The following ABCA12 variants were observed in gnomAD, a reference collection of about 807,000 sequenced individuals.
ABCA12 encodes ATP binding cassette subfamily A member 12, also known as glucosylceramide transporter ABCA12.
Under a neutral mutation model 293.5 loss-of-function variants are expected in ABCA12, and 156 were observed. The ratio of observed to expected loss-of-function variants is 0.53; its 90% CI spans 0.47 to 0.61. ABCA12 has a LOEUF of 0.61. Ranked by LOEUF, ABCA12 falls within the 20% of genes least tolerant of loss-of-function variation. The pLI, the probability that ABCA12 is intolerant of heterozygous loss-of-function variation, is 0.00. For missense variants in ABCA12, 2,797 were observed against 3,090.2 expected, an observed-to-expected ratio of 0.91 and a Z score of 2.25; for synonymous variants, 1,063 against 1,108.0, an observed-to-expected ratio of 0.96 and a Z score of 0.81.
At chr2:215,055,925 T>C (rs1575014671) in intron 3 of ABCA12, among the ~76,000 whole-genome samples, 1 of 152,222 alleles carries the variant, frequency 6.6e-6, no homozygotes, top group East Asian at 1.9e-4. Context: ...ATTTTCCCTT[T>C]TCTCAAAAAG....
chr2:215,056,168 T>C (rs1050328282), intron 3 of ABCA12, among the ~76,000 whole-genome samples: 15 of 151,906 alleles, frequency 9.9e-5, no homozygotes, highest in African/African-American at 3.4e-4. Context: ...CAATAATGAA[T>C]GGTGGTGAGG....
chr2:215,018,028 T>C lies in ABCA12; in HGVS notation c.1762A>G (p.Ile588Val). ...CCCACCTCAGCTCTATTATCAGGGATGGGAATGGCCAGCAACTTGTCAATA... is the reference window on the plus strand; with the variant it reads ...CCCACCTCAGCTCTATTATCAGGGACGGGAATGGCCAGCAACTTGTCAATA... ...RTIDKLLAIP[I>V]PDNRAEIISQ... The change falls in exon 14 of 53, where the codon ATC becomes GTC. Residue 588 changes from isoleucine (I) to valine (V), a missense_variant. Transcript: ENST00000272895. The C allele has an allele frequency of 6.2e-7, 1 of 1,614,182 alleles. No individual in the cohort carries two copies. Among genetic ancestry groups the C allele is most frequent in the South Asian group, 1.1e-5 (1 of 91,090 alleles).
rs886092448 is a variant in ABCA12, at chr2:215,049,071, G to A, written c.693+555C>T. Among the ~76,000 whole-genome samples, 11 of 152,148 alleles carry A rather than the reference G, an allele frequency of 7.2e-5. No individual in the cohort carries two copies. The South Asian group carries it at 1.2e-3, about 17-fold the overall frequency. On this transcript the variant is annotated intron_variant, in intron 6 of 52. Transcript: ENST00000272895. ...TACTGAGTACTAGGCTTAGTACCTCGGTGACAGAATAATCTAGACAACAAA... is the reference window on the plus strand; with the variant it reads ...TACTGAGTACTAGGCTTAGTACCTCAGTGACAGAATAATCTAGACAACAAA...
intron 23 of ABCA12, among the ~76,000 whole-genome samples, chr2:214,993,985 T>C (rs1490198990): frequency 6.6e-6 from 1 of 152,202 alleles, no homozygotes; most frequent in Admixed American, 6.5e-5. Context: ...CTCATCATTT[T>C]GCTTTTTCCT....
chr2:215,081,556 A>T (rs1701942326), intron 2 of ABCA12, among the ~76,000 whole-genome samples: 1 of 151,884 alleles, frequency 6.6e-6, no homozygotes, highest in African/African-American at 2.4e-5. Context: ...CAAACAAAAA[A>T]ATGGGGGAAG....
At chr2:215,031,925 C>T in intron 8 of ABCA12, 29 bp from the exon 9 acceptor site, 1 of 1,612,680 alleles carries the variant, frequency 6.2e-7, no homozygotes, top group Non-Finnish European at 8.5e-7. Flanking sequence ...TATAGGTAAA[C>T]ATTTAACATG....
chr2:215,130,200 A>G (rs1703023391), intron 1 of ABCA12, among the ~76,000 whole-genome samples: 1 of 150,812 alleles, frequency 6.6e-6, no homozygotes, highest in East Asian at 1.9e-4. Context: ...TACTTTGGCT[A>G]TTCGGGCTTT....
At chr2:215,069,680 T>C (rs1701700361) in intron 2 of ABCA12, among the ~76,000 whole-genome samples, 1 of 152,166 alleles carries the variant, frequency 6.6e-6, no homozygotes, top group African/African-American at 2.4e-5. Context: ...AGGTGTCCTG[T>C]CCACCACCCA....
intron 2 of ABCA12, among the ~76,000 whole-genome samples, chr2:215,071,171 T>A (rs1701729716): frequency 6.7e-6 from 1 of 150,086 alleles, no homozygotes; most frequent in African/African-American, 2.5e-5. Flanking sequence ...CACTCCAGCC[T>A]GGGCAACAGA....
intron 2 of ABCA12, chr2:215,085,476 T>C (rs965996743): frequency 2.0e-5 from 3 of 152,194 alleles, no homozygotes; most frequent in African/African-American, 7.2e-5. Flanking sequence ...AGTAATATTT[T>C]TGAGATTAAA....
rs529725056 is a variant in ABCA12 at position 215,066,787 on chromosome 2, A to C, written c.164-2568T>G. The stretch of plus-strand genomic sequence containing the variant: ...CAGCTAACAGAGTGCCATGCAGAGC[A>C]TGGATGGCTTGCGTTATTTGTTTTG... On this transcript the variant is annotated intron_variant, in intron 2 of 52. Coordinates refer to ENST00000272895, the MANE Select transcript of ABCA12 (RefSeq NM_173076.3). Among the ~76,000 whole-genome samples, 25 of 152,282 alleles carry C rather than the reference A, an allele frequency of 1.6e-4. No homozygotes were observed. The East Asian group carries it at 4.8e-3, about 29-fold the overall frequency.
intron 18 of ABCA12, among the ~76,000 whole-genome samples, 186 bp downstream of exon 18, chr2:215,010,145 A>G (rs1700339621): frequency 6.6e-6 from 1 of 152,068 alleles, no homozygotes; most frequent in South Asian, 2.1e-4. Context: ...CTCCCACCCA[A>G]TCTATACTGC....
At chr2:214,977,870 CTTTTTTTTCCT>C (rs1315731786) in intron 33 of ABCA12, among the ~76,000 whole-genome samples, 2 of 121,280 alleles carry the variant, frequency 1.6e-5, no homozygotes, top group African/African-American at 5.7e-5. Flanking sequence ...GCGGCAGCTC[CTTTTTTTTCCT>C]TTTTTTTTTT....
intron 2 of ABCA12, among the ~76,000 whole-genome samples, chr2:215,099,522 G>T (rs376411133): frequency 3.3e-5 from 5 of 151,984 alleles, no homozygotes; most frequent in African/African-American, 1.2e-4. Context: ...GTGAAACCCC[G>T]TCTCTACTAA....
chr2:214,996,667 A>T (rs368781900), intron 23 of ABCA12, among the ~76,000 whole-genome samples: 6 of 152,014 alleles, frequency 3.9e-5, no homozygotes, highest in African/African-American at 1.4e-4. Flanking sequence ...TGTGTGGATC[A>T]ACCAAAATTC....
At chr2:215,019,854 G>C (rs1488759553) in intron 11 of ABCA12, 58 bp from the exon 12 acceptor site, 1 of 1,584,398 alleles carries the variant, frequency 6.3e-7, no homozygotes, top group Non-Finnish European at 8.6e-7. Flanking sequence ...TACATATATA[G>C]TAGTTGATAA....
rs117682084 is a variant in ABCA12, at chr2:214,961,035, C to G, written c.5885-1957G>C. 1.1e-3 allele frequency among the ~76,000 whole-genome samples: 164 copies of G among 152,072 alleles called. 3 individuals are homozygous for G. In the East Asian group the frequency reaches 0.027, roughly 25 times the overall value. ...ATTCATGCAAAATCTAACAAAGATG[C>G]CTTCAAACAACTAGTGTGTTAGAGG... On this transcript the variant is annotated intron_variant, in intron 39 of 52. Transcript: ENST00000272895.
intron 48 of ABCA12, among the ~76,000 whole-genome samples, chr2:214,946,452 G>A (rs1460280324): frequency 6.6e-6 from 1 of 152,020 alleles, no homozygotes; most frequent in Non-Finnish European, 1.5e-5. Context: ...TCACAGAGGT[G>A]CCTAAAGATT....
chr2:214,972,231 AT>A (rs1357533871), intron 36 of ABCA12, among the ~76,000 whole-genome samples: 1 of 151,694 alleles, frequency 6.6e-6, no homozygotes, highest in Non-Finnish European at 1.5e-5. Flanking sequence ...ATACAGTATA[AT>A]TTTTTTTCTC....
Sources: gnomAD v4.1 joint callset for allele counts (sites outside exome capture counted in the v4.1 genomes callset) on GRCh38, gnomAD v4.1.1 for gene constraint, MANE v1.5 for transcripts, NCBI Gene and HGNC (gene_info 2026-07-23, HGNC 2026-07-21) for gene names.